TTC28: variants seen among roughly 807,000 people sequenced by gnomAD.
The protein encoded by TTC28 is tetratricopeptide repeat protein 28.
TTC28 carries 61 observed loss-of-function variants against 198.0 expected under a neutral mutation model. That is an observed-to-expected ratio of 0.31 (90% CI 0.25 to 0.38). TTC28 has a LOEUF of 0.38. Ranked by LOEUF, TTC28 falls within the 10% of genes least tolerant of loss-of-function variation. The pLI is 1.00. For synonymous variants in TTC28, 1,171 were observed against 1,297.8 expected, an observed-to-expected ratio of 0.90 and a Z score of 2.10; for missense variants, 2,678 against 3,164.0, an observed-to-expected ratio of 0.85 and a Z score of 3.69.
intron 13 of TTC28, among the ~76,000 whole-genome samples, chr22:28,025,301 C>T (rs1938786009): frequency 6.6e-6 from 1 of 152,150 alleles, no homozygotes; most frequent in African/African-American, 2.4e-5. Flanking sequence ...GGATTGATCT[C>T]GTCATCATTA....
intron 6 of TTC28, among the ~76,000 whole-genome samples, chr22:28,115,374 TAA>T (rs1287496681): frequency 6.6e-6 from 1 of 152,200 alleles, no homozygotes; most frequent in Non-Finnish European, 1.5e-5. Context: ...TGTCGTCCAG[TAA>T]AAGACAGGCA....
chr22:28,409,336 C>G (rs2047045887), intron 2 of TTC28, among the ~76,000 whole-genome samples: 1 of 152,158 alleles, frequency 6.6e-6, no homozygotes, highest in African/African-American at 2.4e-5. Flanking sequence ...ATCCCATCAA[C>G]AGTAGCCCTA....
At chr22:28,333,799 T>C (rs1490987028) in intron 2 of TTC28, among the ~76,000 whole-genome samples, 2 of 152,138 alleles carry the variant, frequency 1.3e-5, no homozygotes, top group African/African-American at 2.4e-5. Context: ...GGCATAATTT[T>C]GTACCGAACT....
intron 2 of TTC28, among the ~76,000 whole-genome samples, chr22:28,484,891 G>A (rs930066237): frequency 1.3e-5 from 2 of 152,142 alleles, no homozygotes; most frequent in Non-Finnish European, 1.5e-5. Flanking sequence ...TTGACACAAA[G>A]TACACCAAAT....
At chr22:28,669,486 C>T (rs568800551) in intron 1 of TTC28, among the ~76,000 whole-genome samples, 190 of 151,010 alleles carry the variant, frequency 1.3e-3, no homozygotes, top group African/African-American at 4.4e-3. Context: ...CCTAAGTACC[C>T]GGCCTTATTA....
chr22:28,108,162 G>A lies in TTC28; in HGVS notation c.1683C>T (p.Ala561=), dbSNP rs555749441. 48 of 1,551,724 alleles carry A rather than the reference G, an allele frequency of 3.1e-5. No individual in the cohort carries two copies. The highest frequency in any genetic ancestry group is 3.0e-4 in the South Asian group (25 of 84,060). The change falls in exon 7 of 23, where the codon GCC becomes GCT. Residue 561 remains alanine, a synonymous_variant. Transcript: ENST00000397906. The part of the protein sequence containing the change: ...ASQASTHGNL[A]VAYQALGAHD... ...GGGCACCCAGGGCCTGGTAGGCCAC[G>A]GCAAGGTTCCCATGTGTGGAGGCCT...
chr22:28,480,277 A>G (rs1015457003), intron 2 of TTC28, among the ~76,000 whole-genome samples: 1 of 152,176 alleles, frequency 6.6e-6, no homozygotes, highest in Non-Finnish European at 1.5e-5. Context: ...TTTTTCAGAC[A>G]CTTGTTTCTC....
chr22:27,982,914 G>A lies in TTC28; in HGVS notation c.6753C>T (p.Ser2251=), dbSNP rs766406725. 3 of 1,551,680 alleles carry A rather than the reference G, an allele frequency of 1.9e-6. No individual in the cohort carries two copies. The highest frequency in any genetic ancestry group is 1.2e-5 in the South Asian group (1 of 84,058). The change falls in exon 23 of 23, where the codon AGC becomes AGT. Residue 2251 remains serine (S), a synonymous_variant. Coordinates refer to ENST00000397906, the MANE Select transcript of TTC28 (RefSeq NM_001145418.2). The surrounding 1 kb of genome is among the most constrained non-coding windows in gnomAD (Gnocchi z 5.2). ...TGATGGACATCTCTGAGGTGGTGGG[G>A]CTGCTATATCCGGAACTCACCTTGG... ...SLPKVSSGYS[S]PTTSEMSIKD...
rs574533631 is a variant in TTC28, at chr22:28,221,966, A to G, written c.934-58367T>C. On this transcript the variant is annotated intron_variant, in intron 5 of 22. Coordinates refer to ENST00000397906, the MANE Select transcript of TTC28 (RefSeq NM_001145418.2). Reference sequence around the variant, plus strand: ...GGCTGGCATTTAGTGGTTACTCAATAAAAATTATTGAAACAAATGCAGGAA... The same window carrying G: ...GGCTGGCATTTAGTGGTTACTCAATGAAAATTATTGAAACAAATGCAGGAA... Among the ~76,000 whole-genome samples, 141 of 152,312 alleles carry G rather than the reference A, an allele frequency of 9.3e-4. 1 individual carries two copies. The highest frequency in any genetic ancestry group is 3.2e-3 in the African/African-American group (134 of 41,566).
intron 2 of TTC28, among the ~76,000 whole-genome samples, chr22:28,311,224 T>C (rs990287080): frequency 4.1e-5 from 6 of 147,776 alleles, no homozygotes; most frequent in Admixed American, 6.6e-5. Flanking sequence ...TGTTCAACTA[T>C]ACTTGTAAAT....
chr22:28,551,943 T>C (rs1033704776), intron 2 of TTC28, among the ~76,000 whole-genome samples: 1 of 152,208 alleles, frequency 6.6e-6, no homozygotes, highest in Non-Finnish European at 1.5e-5. Context: ...AAACTGTCAC[T>C]GTTTGCTGAT....
intron 6 of TTC28, among the ~76,000 whole-genome samples, chr22:28,142,231 G>A (rs969091486): frequency 2.0e-5 from 3 of 152,180 alleles, no homozygotes; most frequent in Admixed American, 2.0e-4. Flanking sequence ...TGGCTCACCA[G>A]ATCATGTATG....
intron 14 of TTC28, among the ~76,000 whole-genome samples, chr22:28,004,995 C>G (rs1313869611): frequency 2.6e-5 from 4 of 152,158 alleles, no homozygotes; most frequent in African/African-American, 7.2e-5. Flanking sequence ...CACGCACCAG[C>G]CTTACAGCAG....
intron 5 of TTC28, among the ~76,000 whole-genome samples, chr22:28,169,050 C>T (rs1451760345): frequency 6.6e-6 from 1 of 152,194 alleles, no homozygotes; most frequent in East Asian, 1.9e-4. Context: ...GACATTTATG[C>T]AGCCAAAAAA....
chr22:28,415,292 T>C (rs1020050847), intron 2 of TTC28, among the ~76,000 whole-genome samples: 2 of 151,978 alleles, frequency 1.3e-5, no homozygotes, highest in African/African-American at 4.8e-5. Flanking sequence ...AAAACAGTTA[T>C]AGCAAAGTGG....
intron 6 of TTC28, among the ~76,000 whole-genome samples, chr22:28,135,861 G>A (rs1943186520): frequency 6.6e-6 from 1 of 151,602 alleles, no homozygotes; most frequent in African/African-American, 2.4e-5. Flanking sequence ...GTAGATATAT[G>A]AAATTAATAC....
chr22:28,338,788 C>T (rs1384816289), intron 2 of TTC28, among the ~76,000 whole-genome samples: 2 of 152,172 alleles, frequency 1.3e-5, no homozygotes, highest in Admixed American at 6.5e-5. Context: ...GTTCGAACTT[C>T]CTCCTTTAGC....
chr22:28,472,436 C>T (rs1341618607), intron 2 of TTC28, among the ~76,000 whole-genome samples: 2 of 151,890 alleles, frequency 1.3e-5, no homozygotes, highest in Non-Finnish European at 2.9e-5. Flanking sequence ...ATGACTTGTC[C>T]TGGGTGGTAT....
At chr22:28,618,724 A>C (rs1158549049) in intron 2 of TTC28, among the ~76,000 whole-genome samples, 3 of 151,882 alleles carry the variant, frequency 2.0e-5, no homozygotes, top group Non-Finnish European at 1.5e-5. Flanking sequence ...TAGGATATCG[A>C]AACAATGAAA....
Sources: allele counts gnomAD v4.1 joint callset (sites outside exome capture counted in the v4.1 genomes callset), GRCh38; gene constraint gnomAD v4.1.1; non-coding constraint Gnocchi (gnomAD v3.1); transcripts MANE v1.5; gene names NCBI Gene and HGNC (gene_info 2026-07-23, HGNC 2026-07-21).